Variants in STIM1 observed in about 807,000 individuals in gnomAD.
The protein encoded by STIM1 is stromal interaction molecule 1.
A neutral mutation model predicts 74.7 loss-of-function variants in STIM1; 25 were observed. That is an observed-to-expected ratio of 0.33 (90% CI 0.24 to 0.47). STIM1 has a LOEUF of 0.47. STIM1 is among the 20% of genes least tolerant of loss of function. STIM1 has a pLI of 1.00. For synonymous variants in STIM1, 328 were observed against 348.8 expected (o/e 0.94, Z 0.66); for missense variants, 728 against 920.8 (o/e 0.79, Z 2.71).
chr11:4,089,157 A>T (rs10835605), intron 12 of STIM1: 1 of 221,390 alleles, frequency 4.5e-6, no homozygotes, highest in Non-Finnish European at 9.3e-6. Context: ...TGGGAGGTCA[A>T]GGCTGCAGTG....
intron 2 of STIM1, among the ~76,000 whole-genome samples, chr11:3,981,742 C>T (rs2093507227): frequency 6.6e-6 from 1 of 152,098 alleles, no homozygotes; most frequent in Admixed American, 6.5e-5. Flanking sequence ...TACCCTTCTG[C>T]CCTATGTTAT....
rs1197786291 is a variant in STIM1, at chr11:3,878,962, C to CT, written c.139+22564dup. ...TGTTGCTTTCCTCTTCTTCATACCT[C>CT]TTTTTTTTTTTGAGACGGAGTCTCG... is the stretch of plus-strand genomic sequence containing the variant. On this transcript the variant is annotated intron_variant, in intron 1 of 12. Coordinates refer to ENST00000526596, the MANE Select transcript of STIM1 (RefSeq NM_001382567.1). 6.0e-3 allele frequency among the ~76,000 whole-genome samples: 888 copies of CT among 147,646 alleles called. 8 individuals carry two copies. The highest frequency in any genetic ancestry group is 0.019 in the African/African-American group (769 of 40,580).
At chr11:3,946,756 C>T (rs191450182) in intron 1 of STIM1, among the ~76,000 whole-genome samples, 1 of 152,172 alleles carries the variant, frequency 6.6e-6, no homozygotes, top group Non-Finnish European at 1.5e-5. Flanking sequence ...CTACCCACAT[C>T]GCTCCAGGTA....
chr11:4,044,759 A>G lies in STIM1; in HGVS notation c.386-10767A>G, dbSNP rs377752737. 1.3e-3 allele frequency among the ~76,000 whole-genome samples: 198 copies of G among 152,304 alleles called. 1 individual carries two copies. Among genetic ancestry groups the G allele is most frequent in the African/African-American group, 4.5e-3 (188 of 41,570 alleles). On this transcript the variant is annotated intron_variant, in intron 3 of 12. Coordinates refer to ENST00000526596, the MANE Select transcript of STIM1 (RefSeq NM_001382567.1). The stretch of plus-strand genomic sequence containing the variant: ...TTAGCTATGTAGGAGCGATTATTCT[A>G]GAGTCCATCTTCAGTGGAGTGTATT...
At chr11:3,894,905 ATT>A (rs35236633) in intron 1 of STIM1, among the ~76,000 whole-genome samples, 3 of 113,204 alleles carry the variant, frequency 2.7e-5, no homozygotes. Flanking sequence ...CGCCTGGCTA[ATT>A]TTTTTTTTTT....
At chr11:3,973,778 C>T (rs982518098) in intron 2 of STIM1, 19 of 293,510 alleles carry the variant, frequency 6.5e-5, no homozygotes, top group South Asian at 1.1e-4. Context: ...CAGTGGTGTG[C>T]GCATGGCTCA....
intron 1 of STIM1, among the ~76,000 whole-genome samples, chr11:3,918,115 C>A (rs1020856282): frequency 2.0e-5 from 3 of 152,108 alleles, no homozygotes; most frequent in South Asian, 4.1e-4. Flanking sequence ...ACTCTCTCCC[C>A]CTTTGGCTCT....
intron 1 of STIM1, among the ~76,000 whole-genome samples, chr11:3,888,662 A>T (rs1222492696): frequency 1.3e-5 from 2 of 151,970 alleles, no homozygotes; most frequent in African/African-American, 4.8e-5. Flanking sequence ...CTAAGCCTGG[A>T]GATTACAGGT....
intron 4 of STIM1, chr11:4,058,891 A>G (rs1319078089): frequency 3.2e-5 from 35 of 1,077,710 alleles, no homozygotes; most frequent in East Asian, 6.9e-5. Context: ...ACTGGGTCAT[A>G]TGACATGACA....
At chr11:3,983,860 C>T (rs981534505) in intron 2 of STIM1, among the ~76,000 whole-genome samples, 2 of 151,940 alleles carry the variant, frequency 1.3e-5, no homozygotes, top group African/African-American at 2.4e-5. Flanking sequence ...CCTCCTCCTC[C>T]TCTTTCTCCT....
At chr11:4,009,073 C>CTT (rs1271929367) in intron 2 of STIM1, among the ~76,000 whole-genome samples, 113 of 144,798 alleles carry the variant, frequency 7.8e-4, no homozygotes, top group Middle Eastern at 8.5e-3. Context: ...GGGCAGATCA[C>CTT]GAGGTCAGGA....
At chr11:4,033,907 T>G (rs527669273) in intron 3 of STIM1, among the ~76,000 whole-genome samples, 1 of 151,938 alleles carries the variant, frequency 6.6e-6, no homozygotes, top group Admixed American at 6.5e-5. Context: ...CTGTTTCTGA[T>G]CTTAGAAAAC....
chr11:3,952,194 C>G (rs1405363045), intron 1 of STIM1, among the ~76,000 whole-genome samples: 1 of 152,012 alleles, frequency 6.6e-6, no homozygotes, highest in Non-Finnish European at 1.5e-5. Flanking sequence ...TGGTGGATTG[C>G]TTGAGCCCAG....
intron 1 of STIM1, among the ~76,000 whole-genome samples, chr11:3,912,371 A>AT (rs1219718672): frequency 9.6e-5 from 14 of 146,154 alleles, no homozygotes; most frequent in Admixed American, 2.7e-4. Context: ...TTGGGAATAA[A>AT]TTTTTTTTTT....
At chr11:3,950,148 T>C (rs896471527) in intron 1 of STIM1, among the ~76,000 whole-genome samples, 1 of 151,654 alleles carries the variant, frequency 6.6e-6, no homozygotes, top group Non-Finnish European at 1.5e-5. Flanking sequence ...TTTTTTTTTT[T>C]TTTGAGACAG....
At chr11:3,945,476 G>T (rs2093061269) in intron 1 of STIM1, among the ~76,000 whole-genome samples, 1 of 152,098 alleles carries the variant, frequency 6.6e-6, no homozygotes, top group Non-Finnish European at 1.5e-5. Context: ...GTGCACACCT[G>T]TAATTCCAGC....
intron 1 of STIM1, among the ~76,000 whole-genome samples, chr11:3,934,395 A>C (rs1292941808): frequency 6.6e-6 from 1 of 151,964 alleles, no homozygotes; most frequent in Non-Finnish European, 1.5e-5. Flanking sequence ...CTGTTCCCTC[A>C]TCCTTGAAGG....
chr11:3,904,884 T>C (rs142845542), intron 1 of STIM1, among the ~76,000 whole-genome samples: 14 of 151,552 alleles, frequency 9.2e-5, no homozygotes, highest in African/African-American at 1.5e-4. Context: ...CTGAGAGAGG[T>C]AGGAATAGAC....
intron 2 of STIM1, among the ~76,000 whole-genome samples, chr11:3,968,118 G>A (rs2093357405): frequency 6.6e-6 from 1 of 152,204 alleles, no homozygotes; most frequent in South Asian, 2.1e-4. Flanking sequence ...CTCTATATGG[G>A]AAGAAGAAAC....
Sources: allele counts gnomAD v4.1 joint callset (sites outside exome capture counted in the v4.1 genomes callset), GRCh38; gene constraint gnomAD v4.1.1; transcripts MANE v1.5; gene names NCBI Gene and HGNC (gene_info 2026-07-23, HGNC 2026-07-21).